The following OVCH1 variants were observed in gnomAD, a reference collection of about 807,000 sequenced individuals.
OVCH1 encodes ovochymase 1.
OVCH1 carries 139 observed loss-of-function variants against 138.4 expected under a neutral mutation model. The ratio of observed to expected loss-of-function variants is 1.00; its 90% confidence interval spans 0.87 to 1.16. OVCH1 has a LOEUF of 1.16. Ranked by LOEUF, OVCH1 falls within the 50% of genes most tolerant of loss-of-function variation. The pLI, the probability that OVCH1 is intolerant of heterozygous loss-of-function variation, is 0.00. For synonymous variants in OVCH1, 453 were observed against 467.8 expected, an observed-to-expected ratio of 0.97 and a Z score of 0.41; for missense variants, 1,367 against 1,357.9, an observed-to-expected ratio of 1.01 and a Z score of -0.11.
downstream of OVCH1, among the ~76,000 whole-genome samples, chr12:29,423,790 GAGAA>G (rs1276090271): frequency 2.0e-5 from 3 of 152,154 alleles, no homozygotes; most frequent in East Asian, 3.8e-4. Flanking sequence ...TCAGAAATCC[GAGAA>G]AGAAAGGAGG....
the OVCH1 span, among the ~76,000 whole-genome samples, chr12:29,404,903 T>G: frequency 6.6e-6 from 1 of 151,672 alleles, no homozygotes; most frequent in African/African-American, 2.4e-5. Context: ...GTGCCTGTAA[T>G]TCCAGCTACT....
intron 21 of OVCH1, among the ~76,000 whole-genome samples, chr12:29,454,165 C>G (rs1941878231): frequency 6.6e-6 from 1 of 152,068 alleles, no homozygotes; most frequent in Non-Finnish European, 1.5e-5. Context: ...CCATCGCCTC[C>G]TTTTGGGTAC....
chr12:29,486,225 C>A lies in OVCH1; in HGVS notation c.995+21G>T, dbSNP rs780630513. On this transcript the variant is annotated intron_variant, in intron 8 of 27. Transcript: ENST00000318184. ...TGATGACTTTCTTCAAGTCAGCTTCCTTCTCTAATTAGAACCACACATACC... is the reference window on the plus strand; with the variant it reads ...TGATGACTTTCTTCAAGTCAGCTTCATTCTCTAATTAGAACCACACATACC... 4.4e-6 allele frequency: 7 copies of A among 1,584,990 alleles called. No individual in the cohort carries two copies. In the Admixed American group the frequency reaches 1.0e-4, roughly 23 times the overall value.
intron 24 of OVCH1, 29 bp from the exon 25 acceptor site, chr12:29,443,529 A>T (rs1367488110): frequency 2.6e-6 from 4 of 1,560,930 alleles, no homozygotes; most frequent in Admixed American, 3.7e-5. Flanking sequence ...AAAGTCAGAA[A>T]TTATTTCTAA....
chr12:29,416,054 C>A (rs6487822), intron 3 of OVCH1, among the ~76,000 whole-genome samples: 71,647 of 149,112 alleles, frequency 0.48, 17,709 homozygotes, highest in Middle Eastern at 0.6. Context: ...GAGCAACTGG[C>A]TATCCCTTAG....
intron 4 of OVCH1, among the ~76,000 whole-genome samples, chr12:29,493,878 G>C (rs576689495): frequency 1.7e-4 from 26 of 152,108 alleles, no homozygotes; most frequent in African/African-American, 6.3e-4. Flanking sequence ...TTCTGTGCTC[G>C]AATTCATTAA....
At chr12:29,445,809 T>C (rs567354556) in intron 22 of OVCH1, among the ~76,000 whole-genome samples, 2 of 152,156 alleles carry the variant, frequency 1.3e-5, no homozygotes, top group South Asian at 4.1e-4. Context: ...CTATAGTCAG[T>C]TTTTTATTGA....
At chr12:29,427,260 A>G (rs1941195202), downstream of OVCH1, among the ~76,000 whole-genome samples, 1 of 152,184 alleles carries the variant, frequency 6.6e-6, no homozygotes, top group Admixed American at 6.5e-5. Context: ...TCTTTTAAAA[A>G]TCAAATATTT....
At chr12:29,414,189 C>G (rs1941002396) in intron 3 of OVCH1, among the ~76,000 whole-genome samples, 1 of 151,966 alleles carries the variant, frequency 6.6e-6, no homozygotes. Context: ...TTATGCCCTG[C>G]TAATTTTTGT....
intron 25 of OVCH1, among the ~76,000 whole-genome samples, 174 bp downstream of exon 26, chr12:29,439,679 T>C (rs1161010363): frequency 6.6e-6 from 1 of 152,088 alleles, no homozygotes; most frequent in Non-Finnish European, 1.5e-5. Flanking sequence ...CTGCACAGGT[T>C]AAGAGCTCGG....
exon 20 of OVCH1, chr12:29,455,350 T>C (rs749036195): frequency 6.2e-7 from 1 of 1,613,862 alleles, no homozygotes; most frequent in Admixed American, 1.7e-5. Flanking sequence ...GACAATGCCA[T>C]AGAGGACAAA....
At chr12:29,488,841 A>G (rs1018685908) in intron 6 of OVCH1, among the ~76,000 whole-genome samples, 2 of 152,140 alleles carry the variant, frequency 1.3e-5, no homozygotes, top group Admixed American at 6.6e-5. Context: ...TGCAGATAGG[A>G]AAAAGCACCT....
rs1942240266 is a variant in OVCH1, at chr12:29,464,305, T to A, written c.2125+202A>T. The A allele has an allele frequency of 6.3e-6, 4 of 636,428 alleles. No homozygotes were observed. In the South Asian group the frequency reaches 7.3e-5, roughly 12 times the overall value. The allele number at this position is 636,428 out of a possible 1,614,324, so 39.4% of individuals were successfully genotyped here. A position where few individuals can be genotyped will look rare whatever the true frequency, so the allele number is the denominator to read the frequency against. On this transcript the variant is annotated intron_variant, in intron 18 of 27. Transcript: ENST00000318184. The stretch of plus-strand genomic sequence containing the variant: ...TTGTTGACTGCTCATCTAGCCTACT[T>A]ATAATCTAAGTTACCCTGAAGGAAA...
exon 7 of OVCH1, chr12:29,487,838 G>T (rs1421259406): frequency 5.0e-6 from 8 of 1,611,764 alleles, no homozygotes; most frequent in Non-Finnish European, 6.8e-6. Context: ...CAAGAATCCA[G>T]ATTCCACCAC....
chr12:29,476,991 TAAAAGAA>T, intron 12 of OVCH1, 104 bp downstream of exon 12: 1 of 1,287,002 alleles, frequency 7.8e-7, no homozygotes, highest in East Asian at 2.7e-5. Flanking sequence ...GGCAAATGGC[TAAAAGAA>T]GCTCCTAGTC....
chr12:29,406,697 G>A, the OVCH1 span, among the ~76,000 whole-genome samples: 29 of 146,446 alleles, frequency 2.0e-4, no homozygotes, highest in African/African-American at 7.1e-4. Flanking sequence ...TCTTAATCCA[G>A]TCTATCATTG....
intron 22 of OVCH1, among the ~76,000 whole-genome samples, chr12:29,447,913 C>T (rs990066377): frequency 1.3e-5 from 2 of 151,912 alleles, no homozygotes; most frequent in African/African-American, 4.8e-5. Flanking sequence ...ACTGAGGCTT[C>T]TTGATACAAA....
chr12:29,496,585 T>C, exon 2 of OVCH1: 1 of 1,612,806 alleles, frequency 6.2e-7, no homozygotes. Flanking sequence ...ACTGTTGAAT[T>C]TCTCCAACTA....
rs186232906 is a variant in OVCH1 at position 29,438,070 on chromosome 12, G to T, written c.3264+1258C>A. On this transcript the variant is annotated intron_variant, in intron 26 of 27. Coordinates refer to ENST00000318184, the Ensembl canonical transcript of OVCH1. ...ATGCAGAAGAGTTTTTAATTACACA[G>T]GAACTTATTAATTTGTTTTCTTCTA... Among the ~76,000 whole-genome samples, 1,010 of 152,178 alleles carry T rather than the reference G, an allele frequency of 6.6e-3. 35 individuals carry two copies. The highest frequency in any genetic ancestry group is 0.062 in the Admixed American group (955 of 15,282).
Sources: gnomAD v4.1 joint callset for allele counts (sites outside exome capture counted in the v4.1 genomes callset) on GRCh38, gnomAD v4.1.1 for gene constraint, MANE v1.5 for transcripts, NCBI Gene and HGNC (gene_info 2026-07-23, HGNC 2026-07-21) for gene names.